The following LAMA2 variants were observed in gnomAD, a reference collection of about 807,000 sequenced individuals.
The protein encoded by LAMA2 is laminin subunit alpha 2, also known as laminin subunit alpha-2.
Under a neutral mutation model 364.8 loss-of-function variants are expected in LAMA2, and 269 were observed. The observed-to-expected ratio is 0.74, with a 90% CI of 0.67 to 0.82. The LOEUF (loss-of-function observed/expected upper bound fraction) is 0.82, where lower values mean the gene tolerates loss of function less well. Ranked by LOEUF, LAMA2 falls within the 40% of genes least tolerant of loss-of-function variation. LAMA2 has a pLI of 0.00. For missense variants in LAMA2, 3,807 were observed against 3,873.2 expected (o/e 0.98, Z 0.45); for synonymous variants, 1,379 against 1,370.6 (o/e 1.01, Z -0.14).
chr6:129,376,514 CT>C (rs770422652), intron 34 of LAMA2, among the ~76,000 whole-genome samples: 5 of 152,188 alleles, frequency 3.3e-5, no homozygotes, highest in Non-Finnish European at 7.3e-5. Flanking sequence ...AACTCTTCCC[CT>C]GACTTCCCTT....
intron 1 of LAMA2, among the ~76,000 whole-genome samples, chr6:128,973,617 G>T (rs1317152006): frequency 1.3e-5 from 2 of 152,008 alleles, no homozygotes; most frequent in Non-Finnish European, 2.9e-5. Context: ...TGATTTAATT[G>T]TCCTTAGGCA....
chr6:129,219,461 G>C (rs1783647897), intron 12 of LAMA2, among the ~76,000 whole-genome samples: 1 of 151,634 alleles, frequency 6.6e-6, no homozygotes. Context: ...ATTTGACCCA[G>C]CCATCCCATT....
chr6:128,912,728 T>C (rs540249981), intron 1 of LAMA2, among the ~76,000 whole-genome samples: 4 of 152,222 alleles, frequency 2.6e-5, no homozygotes, highest in African/African-American at 9.6e-5. Flanking sequence ...ATGTATATCA[T>C]TAGATTCATA....
rs546239510 is a variant in LAMA2 at position 128,923,197 on chromosome 6, T to C, written c.112+39840T>C. On this transcript the variant is annotated intron_variant, in intron 1 of 64. Coordinates refer to ENST00000421865, the MANE Select transcript of LAMA2 (RefSeq NM_000426.4). ...GGATTGACTTGGCGATGCGGGCTCT[T>C]TTTTGGTTCCATATGAACTTTAAAG... Among the ~76,000 whole-genome samples the C allele has an allele frequency of 3.3e-3, 488 of 149,780 alleles. 3 individuals carry two copies. Among genetic ancestry groups the C allele is most frequent in the Non-Finnish European group, 5.6e-3 (375 of 67,566 alleles).
At chr6:129,168,110 A>C (rs1392739299) in intron 9 of LAMA2, among the ~76,000 whole-genome samples, 6 of 142,368 alleles carry the variant, frequency 4.2e-5, no homozygotes, top group Admixed American at 2.1e-4. Flanking sequence ...CCCATTTTGT[A>C]GGTTGCCTGT....
At chr6:129,354,945 A>C (rs1031804512) in intron 32 of LAMA2, among the ~76,000 whole-genome samples, 5 of 152,162 alleles carry the variant, frequency 3.3e-5, no homozygotes, top group Admixed American at 6.5e-5. Flanking sequence ...AAAAGGGCCA[A>C]TCCTCCAGTT....
chr6:129,402,254 A>G (rs1251859670), intron 38 of LAMA2, 70 bp from the exon 39 acceptor site: 17 of 1,182,654 alleles, frequency 1.4e-5, no homozygotes, highest in Middle Eastern at 2.1e-4. Flanking sequence ...GTTATGTCTC[A>G]TAGAGAAATT....
intron 3 of LAMA2, among the ~76,000 whole-genome samples, chr6:129,062,580 G>C (rs1263284106): frequency 1.3e-5 from 2 of 152,116 alleles, no homozygotes; most frequent in Non-Finnish European, 2.9e-5. Flanking sequence ...GTATACTCTA[G>C]TGTGCCTCTA....
chr6:129,208,389 C>G (rs567448115), intron 12 of LAMA2, among the ~76,000 whole-genome samples: 1 of 152,024 alleles, frequency 6.6e-6, no homozygotes, highest in South Asian at 2.1e-4. Context: ...ATTATTAACT[C>G]CAACTGGGCT....
At chr6:129,072,593 A>G (rs1284488011) in intron 3 of LAMA2, among the ~76,000 whole-genome samples, 4 of 152,022 alleles carry the variant, frequency 2.6e-5, no homozygotes, top group African/African-American at 7.2e-5. Context: ...CCATATTCTC[A>G]TCTGTTTTCT....
rs1583421345 is a variant in LAMA2, at chr6:129,287,808, G to A, written c.2538-39G>A. 4 of 1,507,448 alleles carry A rather than the reference G, an allele frequency of 2.7e-6. No individual in the cohort carries two copies. The African/African-American group carries it at 5.5e-5, about 21-fold the overall frequency. 93.4% of individuals were successfully genotyped at this position (1,507,448 alleles called of 1,614,324 possible). A position where few individuals can be genotyped will look rare whatever the true frequency, so the allele number is the denominator to read the frequency against. ...ATATGTAAACATTGCCCCAACTGAG[G>A]TCCCCCCAAAGGCTCACTGATGAAA... On this transcript the variant is annotated intron_variant, in intron 18 of 64. Transcript: ENST00000421865.
intron 1 of LAMA2, among the ~76,000 whole-genome samples, chr6:128,954,280 A>C (rs948719883): frequency 2.0e-5 from 3 of 151,090 alleles, no homozygotes; most frequent in Admixed American, 1.3e-4. Flanking sequence ...AGCTGTTATA[A>C]AACAGGAAGG....
intron 1 of LAMA2, among the ~76,000 whole-genome samples, chr6:129,038,168 G>T (rs1420061841): frequency 6.6e-6 from 1 of 152,186 alleles, no homozygotes; most frequent in African/African-American, 2.4e-5. Context: ...GTTCACTTCT[G>T]ATCATGGTCA....
chr6:129,185,528 A>G (rs1369023302), intron 10 of LAMA2, among the ~76,000 whole-genome samples: 1 of 151,892 alleles, frequency 6.6e-6, no homozygotes, highest in Non-Finnish European at 1.5e-5. Context: ...TTCTTCCTAA[A>G]AGAATGAAAA....
chr6:129,399,602 T>C (rs1779850626), intron 37 of LAMA2, among the ~76,000 whole-genome samples: 1 of 152,112 alleles, frequency 6.6e-6, no homozygotes, highest in Non-Finnish European at 1.5e-5. Context: ...CCCTAGTACA[T>C]AGAGAATGAT....
In LAMA2 at chr6:129,041,979, G is replaced by A. The variant is rs192482608; in HGVS notation, c.113-7939G>A. ...ATCATGCTATTGCACTCCAACCTGG[G>A]CAACAGAATGAGACCCTGTCTCAAA... On this transcript the variant is annotated intron_variant, in intron 1 of 64. Coordinates refer to ENST00000421865, the MANE Select transcript of LAMA2 (RefSeq NM_000426.4). Among the ~76,000 whole-genome samples the A allele has an allele frequency of 3.0e-4, 43 of 142,170 alleles. 1 individual carries two copies. The highest frequency in any genetic ancestry group is 3.0e-3 in the Admixed American group (41 of 13,642). 93.3% of individuals were successfully genotyped at this position (142,170 alleles called of 152,430 possible).
rs56173620 is a variant in LAMA2 at position 129,401,308 on chromosome 6, C to G, written c.5530C>G (p.Arg1844Gly). Residue 1844 changes from arginine to glycine, a missense_variant, in exon 38 of 65, where the codon CGT (arginine) becomes GGT (glycine). By Grantham distance (125) the Arg-to-Gly change is moderately radical (BLOSUM62 -2). Transcript: ENST00000421865. ...EGNDILDEAN[R>G]LADEINSIID... is the part of the protein sequence containing the mutation. ...CAATGACATACTCGATGAAGCCAACCGTCTTGCAGATGAAATCAACTCCAT... is the reference window on the plus strand; with the variant it reads ...CAATGACATACTCGATGAAGCCAACGGTCTTGCAGATGAAATCAACTCCAT... The G allele has an allele frequency of 6.2e-7, 1 of 1,610,932 alleles. No homozygotes were observed. Among genetic ancestry groups the G allele is most frequent in the East Asian group, 2.2e-5 (1 of 44,840 alleles).
chr6:128,924,947 G>A (rs190982590), intron 1 of LAMA2, among the ~76,000 whole-genome samples: 11 of 152,158 alleles, frequency 7.2e-5, no homozygotes, highest in South Asian at 4.2e-4. Context: ...AATATATTTC[G>A]GTTGTAAAAA....
At chr6:128,969,153 CCAG>C (rs1782033788) in intron 1 of LAMA2, among the ~76,000 whole-genome samples, 1 of 152,074 alleles carries the variant, frequency 6.6e-6, no homozygotes, top group Admixed American at 6.5e-5. Flanking sequence ...AACACCTTGG[CCAG>C]TGAGAAGGGT....
Sources: allele counts gnomAD v4.1 joint callset (sites outside exome capture counted in the v4.1 genomes callset), GRCh38; gene constraint gnomAD v4.1.1; transcripts MANE v1.5; gene names NCBI Gene and HGNC (gene_info 2026-07-23, HGNC 2026-07-21).